The following TSPAN14 variants were observed in gnomAD, a reference collection of about 807,000 sequenced individuals.
TSPAN14 encodes the protein tetraspanin-14.
A neutral mutation model predicts 36.6 loss-of-function variants in TSPAN14; 16 were observed. The observed-to-expected ratio is 0.44, with a 90% CI of 0.30 to 0.66. TSPAN14 has a LOEUF of 0.66. TSPAN14 is among the 30% of genes least tolerant of loss of function. TSPAN14 has a pLI of 0.12. For missense variants in TSPAN14, 231 were observed against 355.1 expected, an observed-to-expected ratio of 0.65 and a Z score of 2.81; for synonymous variants, 139 against 143.8, an observed-to-expected ratio of 0.97 and a Z score of 0.24.
chr10:80,464,176 G>C (rs1254594662), intron 1 of TSPAN14, among the ~76,000 whole-genome samples: 2 of 152,206 alleles, frequency 1.3e-5, no homozygotes, highest in Non-Finnish European at 2.9e-5. Context: ...TAGAGGAGCA[G>C]ATTTTCCCGC....
chr10:80,508,542 C>A (rs1355137915), intron 4 of TSPAN14, among the ~76,000 whole-genome samples: 1 of 152,058 alleles, frequency 6.6e-6, no homozygotes, highest in Non-Finnish European at 1.5e-5. Flanking sequence ...GGGAGTCTGC[C>A]CTGATGGGAT....
intron 2 of TSPAN14, among the ~76,000 whole-genome samples, chr10:80,498,493 G>A (rs1264302902): frequency 5.3e-5 from 8 of 152,156 alleles, no homozygotes; most frequent in Admixed American, 1.3e-4. Flanking sequence ...CCAGAAGGCC[G>A]TATTTCCCTA....
intron 1 of TSPAN14, among the ~76,000 whole-genome samples, chr10:80,482,343 C>G (rs373285330): frequency 3.3e-5 from 5 of 152,062 alleles, no homozygotes; most frequent in Middle Eastern, 6.8e-3. Context: ...CTGGAGTGCA[C>G]TGGCGCAATC....
Position 80,509,662 on chromosome 10 carries a change from G to A in TSPAN14, c.450+191G>A, listed in dbSNP as rs1840505534. On this transcript the variant is annotated intron_variant, in intron 5 of 8. Coordinates refer to ENST00000429989, the Ensembl canonical transcript of TSPAN14. This position sits in a 1 kb window ranked among gnomAD's most constrained non-coding sequence, Gnocchi z 4.7. ...TTTGCCGGCTTGTGGTTGCCTGGTG[G>A]GCCAGCCCTTTCCCATTGGGATTGG... 11 of 624,614 alleles carry A rather than the reference G, an allele frequency of 1.8e-5. No individual in the cohort carries two copies. The South Asian group carries it at 2.3e-4, about 13-fold the overall frequency. 38.7% of individuals were successfully genotyped at this position (624,614 alleles called of 1,614,324 possible). A position where few individuals can be genotyped will look rare whatever the true frequency, so the allele number is the denominator to read the frequency against.
exon 9 of TSPAN14, chr10:80,518,008 C>A (rs779885144): frequency 1.9e-6 from 3 of 1,550,846 alleles, no homozygotes; most frequent in Admixed American, 3.9e-5. Context: ...AGCTGAGCCA[C>A]GCTGGGAGGC....
chr10:80,495,308 T>A (rs2132024417), intron 2 of TSPAN14, among the ~76,000 whole-genome samples: 1 of 151,742 alleles, frequency 6.6e-6, no homozygotes. Flanking sequence ...CTGCCCCAAT[T>A]CATAGGAAGT....
chr10:80,514,091 A>G (rs1439754023), intron 7 of TSPAN14, 28 bp downstream of exon 7: 1 of 1,595,400 alleles, frequency 6.3e-7, no homozygotes, highest in African/African-American at 1.3e-5. Flanking sequence ...TACAACTTGA[A>G]GAGTTCTTTA....
rs1041803599 is a variant in TSPAN14, at chr10:80,509,501, G to C, written c.450+30G>C. 6.2e-6 allele frequency: 10 copies of C among 1,606,686 alleles called. No individual in the cohort carries two copies. Among genetic ancestry groups the C allele is most frequent in the Non-Finnish European group, 8.5e-6 (10 of 1,176,304 alleles). On this transcript the variant is annotated intron_variant, in intron 5 of 8. Transcript: ENST00000429989. The surrounding 1 kb of genome is among the most constrained non-coding windows in gnomAD (Gnocchi z 4.7). ...GCACCTCCCCAGCGGGCCCCCGATA[G>C]AGCATGCACCTCCCTGTGCTGCCTG... is the stretch of plus-strand genomic sequence containing the variant.
chr10:80,475,681 G>A (rs762262003), intron 1 of TSPAN14, among the ~76,000 whole-genome samples: 1 of 152,114 alleles, frequency 6.6e-6, no homozygotes, highest in Non-Finnish European at 1.5e-5. Flanking sequence ...TCCGCCTCCT[G>A]GGTTCAAGCA....
At chr10:80,489,039 G>A (rs1168889935) in intron 1 of TSPAN14, among the ~76,000 whole-genome samples, 178 bp from the exon 2 acceptor site, 1 of 152,196 alleles carries the variant, frequency 6.6e-6, no homozygotes, top group Non-Finnish European at 1.5e-5. Context: ...TTGGAGAGCT[G>A]ATTTAACCTG....
intron 1 of TSPAN14, among the ~76,000 whole-genome samples, chr10:80,488,290 C>T (rs1175197634): frequency 6.6e-6 from 1 of 152,180 alleles, no homozygotes; most frequent in Non-Finnish European, 1.5e-5. Flanking sequence ...TGGATTGCCA[C>T]TGGGGTTCAA....
At chr10:80,516,285 A>G (rs762853274) in exon 8 of TSPAN14, 2 of 1,614,198 alleles carry the variant, frequency 1.2e-6, no homozygotes, top group Non-Finnish European at 1.7e-6. Flanking sequence ...GAACATTTAC[A>G]TTGTGGCTGG....
chr10:80,480,816 A>G (rs888646329), intron 1 of TSPAN14, among the ~76,000 whole-genome samples: 1 of 152,138 alleles, frequency 6.6e-6, no homozygotes, highest in Admixed American at 6.5e-5. Context: ...ACTTTAGGAG[A>G]TACACCTAAT....
chr10:80,520,844 C>T (rs1841234136), exon 9 of TSPAN14: 1 of 532,036 alleles, frequency 1.9e-6, no homozygotes, highest in Non-Finnish European at 3.9e-6. Flanking sequence ...CACTGCACCT[C>T]CTGAATGTCC....
chr10:80,476,438 C>T (rs1265714420), intron 1 of TSPAN14, among the ~76,000 whole-genome samples: 12 of 100,024 alleles, frequency 1.2e-4, no homozygotes, highest in African/African-American at 2.0e-4. Context: ...TTTTTTGAGA[C>T]GGAGTCTTGC....
At chr10:80,497,363 G>A (rs1287757147) in intron 2 of TSPAN14, among the ~76,000 whole-genome samples, 5 of 152,132 alleles carry the variant, frequency 3.3e-5, no homozygotes, top group Non-Finnish European at 2.9e-5. Context: ...ACTATGGCTT[G>A]CAGGCCAAAC....
At chr10:80,459,841 G>A (rs1346263201) in intron 1 of TSPAN14, among the ~76,000 whole-genome samples, 1 of 152,198 alleles carries the variant, frequency 6.6e-6, no homozygotes, top group Non-Finnish European at 1.5e-5. Context: ...CTCAGCAGTA[G>A]GAGTGTGTCT....
chr10:80,481,730 A>T (rs151133885), intron 1 of TSPAN14, among the ~76,000 whole-genome samples: 4 of 152,344 alleles, frequency 2.6e-5, no homozygotes, highest in African/African-American at 9.6e-5. Context: ...GGTTCAAGCG[A>T]TTCTCCTGCC....
intron 3 of TSPAN14, 133 bp downstream of exon 3, chr10:80,504,911 A>G (rs767729962): frequency 6.2e-5 from 59 of 954,496 alleles, no homozygotes; most frequent in Non-Finnish European, 8.4e-5. Context: ...ATAATTGTCA[A>G]TCTTTACAGA....
Sources: gnomAD v4.1 joint callset for allele counts (sites outside exome capture counted in the v4.1 genomes callset) on GRCh38, gnomAD v4.1.1 for gene constraint, Gnocchi (gnomAD v3.1) non-coding constraint, MANE v1.5 for transcripts, NCBI Gene and HGNC (gene_info 2026-07-23, HGNC 2026-07-21) for gene names.